SOX6: variants seen among roughly 807,000 people sequenced by gnomAD.
The protein encoded by SOX6 is transcription factor SOX-6.
Under a neutral mutation model 97.8 loss-of-function variants are expected in SOX6, and 11 were observed. That is an observed-to-expected ratio of 0.11 (90% CI 0.07 to 0.19). The LOEUF is 0.19. SOX6 is among the 10% of genes least tolerant of loss of function. The pLI is 1.00. For missense variants in SOX6, 810 were observed against 1,039.5 expected (o/e 0.78, Z 3.04); for synonymous variants, 360 against 371.4 (o/e 0.97, Z 0.35).
intron 6 of SOX6, among the ~76,000 whole-genome samples, chr11:16,163,014 A>G (rs1850792776): frequency 6.6e-6 from 1 of 152,142 alleles, no homozygotes; most frequent in Non-Finnish European, 1.5e-5. Context: ...TAAAGATGAG[A>G]GAGACAAGAT....
intron 13 of SOX6, among the ~76,000 whole-genome samples, chr11:16,013,681 C>G (rs1294702527): frequency 7.0e-6 from 1 of 141,970 alleles, no homozygotes; most frequent in Non-Finnish European, 1.5e-5. Flanking sequence ...ACATCCTAAT[C>G]AGAATTTATT....
chr11:16,025,165 C>G (rs918264529), intron 12 of SOX6, among the ~76,000 whole-genome samples: 1 of 152,134 alleles, frequency 6.6e-6, no homozygotes, highest in Non-Finnish European at 1.5e-5. Context: ...TATAAGTTTG[C>G]AACTCCCAAG....
At chr11:16,246,449 G>C (rs1853337090) in intron 3 of SOX6, among the ~76,000 whole-genome samples, 1 of 151,614 alleles carries the variant, frequency 6.6e-6, no homozygotes, top group Non-Finnish European at 1.5e-5. Context: ...GCAATAAATT[G>C]TCTGAACTTT....
intron 3 of SOX6, among the ~76,000 whole-genome samples, chr11:16,706,965 G>GA (rs1003415836): frequency 3.3e-5 from 5 of 151,850 alleles, no homozygotes; most frequent in Admixed American, 2.6e-4. Flanking sequence ...CTTTTAGAAT[G>GA]AAAAAATGCA....
intron 1 of SOX6, chr11:16,408,985 G>C: frequency 6.6e-6 from 1 of 152,170 alleles, no homozygotes; most frequent in East Asian, 1.9e-4. Flanking sequence ...CTTTATAAAG[G>C]ACATGTGGTA....
rs1853233141 is a variant in SOX6, at chr11:15,969,161, T to G, written c.*3648A>C. On this transcript the variant is annotated 3_prime_UTR_variant, in exon 16 of 16. Coordinates refer to ENST00000683767, the MANE Select transcript of SOX6 (RefSeq NM_001367873.1). Reference sequence around the variant, plus strand: ...GGAGAACCCTGACCCTGTAAGTTCTTTAACAAAATGGAGATAATTTTTATT... The same window carrying G: ...GGAGAACCCTGACCCTGTAAGTTCTGTAACAAAATGGAGATAATTTTTATT... 6.6e-6 allele frequency: 1 copy of G among 151,688 alleles called. No homozygotes were observed. The highest frequency in any genetic ancestry group is 1.5e-5 in the Non-Finnish European group (1 of 67,944). The allele number at this position is 151,688 out of a possible 1,614,324, so 9.4% of individuals were successfully genotyped here.
chr11:16,522,500 C>A (rs373263088), intron 4 of SOX6, among the ~76,000 whole-genome samples: 2 of 152,048 alleles, frequency 1.3e-5, no homozygotes, highest in African/African-American at 2.4e-5. Flanking sequence ...TGGAAAGGAA[C>A]AACCAGTACC....
intron 1 of SOX6, among the ~76,000 whole-genome samples, chr11:16,392,237 T>C (rs932009656): frequency 1.3e-5 from 2 of 152,070 alleles, no homozygotes; most frequent in African/African-American, 4.8e-5. Context: ...GTAGTTACAC[T>C]TGGGAAAAGA....
In SOX6 at chr11:16,132,335, GAAAA is replaced by G. The variant is rs1323126102; in HGVS notation, c.778-20416_778-20413del. On this transcript the variant is annotated intron_variant, in intron 6 of 15. Coordinates refer to ENST00000683767, the MANE Select transcript of SOX6 (RefSeq NM_001367873.1). ...GGAAGGAAGGAAGGAAGGAAGGAAAGAAAAAAGAAAGAAAGAAAGAAAGAAAGAA... is the reference window on the plus strand; with the variant it reads ...GGAAGGAAGGAAGGAAGGAAGGAAAGAAGAAAGAAAGAAAGAAAGAAAGAA... Among the ~76,000 whole-genome samples the G allele has an allele frequency of 4.3e-4, 28 of 65,042 alleles. 1 individual carries two copies. Among genetic ancestry groups the G allele is most frequent in the African/African-American group, 1.5e-3 (24 of 16,048 alleles). 42.7% of individuals were successfully genotyped at this position (65,042 alleles called of 152,430 possible). A position where few individuals can be genotyped will look rare whatever the true frequency, so the allele number is the denominator to read the frequency against.
At chr11:16,285,152 A>T (rs1460772670) in intron 3 of SOX6, among the ~76,000 whole-genome samples, 1 of 152,194 alleles carries the variant, frequency 6.6e-6, no homozygotes, top group Non-Finnish European at 1.5e-5. Context: ...AAAATAAATG[A>T]CATTAAAATA....
chr11:16,582,398 A>C (rs906014824), intron 4 of SOX6, among the ~76,000 whole-genome samples: 1 of 152,168 alleles, frequency 6.6e-6, no homozygotes, highest in African/African-American at 2.4e-5. Flanking sequence ...AATGGTCTCA[A>C]ATATCTTTAC....
chr11:16,479,139 T>C (rs1860301163), upstream of SOX6, among the ~76,000 whole-genome samples: 1 of 152,184 alleles, frequency 6.6e-6, no homozygotes, highest in African/African-American at 2.4e-5. Context: ...CATCTGACCA[T>C]GGTGGTAATT....
intron 2 of SOX6, among the ~76,000 whole-genome samples, chr11:16,735,668 T>C (rs1294195227): frequency 6.6e-6 from 1 of 152,204 alleles, no homozygotes; most frequent in Non-Finnish European, 1.5e-5. Flanking sequence ...TATTTAACTT[T>C]TCTTAAGTTT....
chr11:16,075,840 A>T lies in SOX6; in HGVS notation c.1102-19939T>A, dbSNP rs75282331. Among the ~76,000 whole-genome samples the T allele has an allele frequency of 3.3e-3, 508 of 152,164 alleles. 2 individuals are homozygous for T. The highest frequency in any genetic ancestry group is 0.011 in the African/African-American group (475 of 41,510). On this transcript the variant is annotated intron_variant, in intron 9 of 15. Transcript: ENST00000683767. ...TAAAGAAATTCAAAAAAAGGAACAA[A>T]ACAAAAACAAAAGTGTGTGTGGAGG...
chr11:16,501,304 T>G (rs1374965986), intron 4 of SOX6, among the ~76,000 whole-genome samples: 1 of 151,470 alleles, frequency 6.6e-6, no homozygotes, highest in African/African-American at 2.4e-5. Context: ...TATATAAAAA[T>G]TAATTCAAGA....
At chr11:16,624,278 TC>T (rs1175115819) in intron 3 of SOX6, among the ~76,000 whole-genome samples, 1 of 151,858 alleles carries the variant, frequency 6.6e-6, no homozygotes, top group East Asian at 1.9e-4. Context: ...ATCTCTGCCT[TC>T]CGGGTTTGAA....
intron 1 of SOX6, among the ~76,000 whole-genome samples, chr11:16,426,292 AAAAAC>A (rs1859129767): frequency 1.0e-5 from 1 of 95,530 alleles, no homozygotes; most frequent in Non-Finnish European, 2.1e-5. Flanking sequence ...AAAAAAAAAA[AAAAAC>A]CACTATTTTA....
At position 16,300,281 on chromosome 11, in the gene SOX6, G is replaced by A. The variant is rs1356814432; in HGVS notation, c.445+18165C>T. Among the ~76,000 whole-genome samples, 5 of 152,034 alleles carry A rather than the reference G, an allele frequency of 3.3e-5. No homozygotes were observed. Among genetic ancestry groups the A allele is most frequent in the Non-Finnish European group, 7.4e-5 (5 of 67,996 alleles). On this transcript the variant is annotated intron_variant, in intron 3 of 15. Transcript: ENST00000683767. The surrounding 1 kb of genome is among the most constrained non-coding windows in gnomAD (Gnocchi z 4.1). Reference sequence around the variant, plus strand: ...ATTAAAAAAAAGGACTTATACAAATGGAGAAAGTCCACAATATTAGACATT... The same window carrying A: ...ATTAAAAAAAAGGACTTATACAAATAGAGAAAGTCCACAATATTAGACATT...
intron 1 of SOX6, among the ~76,000 whole-genome samples, chr11:16,373,414 T>C (rs1857545338): frequency 2.0e-5 from 3 of 152,220 alleles, no homozygotes; most frequent in Non-Finnish European, 4.4e-5. Context: ...CCTTTCACAC[T>C]TTGTTTTGTT....
Sources: allele counts gnomAD v4.1 joint callset (sites outside exome capture counted in the v4.1 genomes callset), GRCh38; gene constraint gnomAD v4.1.1; non-coding constraint Gnocchi (gnomAD v3.1); transcripts MANE v1.5; gene names NCBI Gene and HGNC (gene_info 2026-07-23, HGNC 2026-07-21).